The following SEMA3E variants were observed in gnomAD, a reference collection of about 807,000 sequenced individuals.
SEMA3E encodes semaphorin-3E.
SEMA3E carries 49 observed loss-of-function variants against 93.6 expected under a neutral mutation model. The ratio of observed to expected loss-of-function variants is 0.52; its 90% CI spans 0.42 to 0.66. The LOEUF is 0.66. Among genes scored for constraint, SEMA3E ranks in the 30% least tolerant of loss-of-function variants. The pLI is 0.00. For missense variants in SEMA3E, 906 were observed against 964.8 expected (o/e 0.94, Z 0.81); for synonymous variants, 363 against 330.7 (o/e 1.10, Z -1.06).
chr7:83,495,855 A>G (rs1018530787), intron 1 of SEMA3E, among the ~76,000 whole-genome samples: 10 of 152,118 alleles, frequency 6.6e-5, no homozygotes, highest in African/African-American at 1.9e-4. Context: ...TATATTACAC[A>G]AATTTTCTCC....
intron 4 of SEMA3E, among the ~76,000 whole-genome samples, chr7:83,431,607 T>C (rs1367885712): frequency 1.3e-5 from 2 of 152,118 alleles, no homozygotes; most frequent in Non-Finnish European, 2.9e-5. Context: ...TTTTGCCATG[T>C]TGGCCTGGCT....
intron 5 of SEMA3E, among the ~76,000 whole-genome samples, chr7:83,409,381 G>A (rs960848981): frequency 3.3e-5 from 5 of 152,062 alleles, no homozygotes; most frequent in African/African-American, 7.2e-5. Context: ...GGCCATACCC[G>A]GCTCAGTTGT....
At chr7:83,488,626 C>A (rs1324350810) in intron 2 of SEMA3E, among the ~76,000 whole-genome samples, 2 of 152,164 alleles carry the variant, frequency 1.3e-5, no homozygotes, top group Non-Finnish European at 2.9e-5. Flanking sequence ...ACACTGGACT[C>A]TGTATCCTTC....
chr7:83,594,648 T>C (rs1792829323), intron 1 of SEMA3E, among the ~76,000 whole-genome samples: 1 of 152,102 alleles, frequency 6.6e-6, no homozygotes, highest in African/African-American at 2.4e-5. Context: ...TGTATGATTT[T>C]TATTTTGAAA....
At chr7:83,391,419 G>C (rs1001082997) in intron 14 of SEMA3E, among the ~76,000 whole-genome samples, 3 of 152,048 alleles carry the variant, frequency 2.0e-5, no homozygotes, top group African/African-American at 7.2e-5. Flanking sequence ...CTTAATAGGT[G>C]AATACACTAA....
intron 1 of SEMA3E, among the ~76,000 whole-genome samples, chr7:83,574,596 A>T (rs1191056872): frequency 6.6e-6 from 1 of 152,132 alleles, no homozygotes; most frequent in African/African-American, 2.4e-5. Context: ...TTCTTTGCTC[A>T]ATGAGACAAA....
intron 1 of SEMA3E, among the ~76,000 whole-genome samples, chr7:83,520,945 T>A (rs746139740): frequency 6.6e-6 from 1 of 152,326 alleles, no homozygotes; most frequent in Admixed American, 6.5e-5. Flanking sequence ...TCTACACGTA[T>A]GGGGCATTAG....
intron 1 of SEMA3E, among the ~76,000 whole-genome samples, chr7:83,635,384 C>G (rs1330670341): frequency 2.0e-5 from 3 of 151,338 alleles, no homozygotes; most frequent in African/African-American, 7.3e-5. Context: ...TATAGATTAT[C>G]TTTAGTTTCT....
rs1260317523 is a variant in SEMA3E, at chr7:83,364,644, G to C, written c.*2942C>G. ...CTTGCCCAATGGGTGACGTTGTGCT[G>C]AAGGAGGAGGTGAATGGGCATTGTT... On this transcript the variant is annotated 3_prime_UTR_variant, in exon 17 of 17. Transcript: ENST00000643230. 6.6e-6 allele frequency: 1 copy of C among 152,220 alleles called. No individual in the cohort carries two copies. The highest frequency in any genetic ancestry group is 2.4e-5 in the African/African-American group (1 of 41,468). 9.4% of individuals were successfully genotyped at this position (152,220 alleles called of 1,614,324 possible).
chr7:83,640,841 C>T (rs1052660965), intron 1 of SEMA3E, among the ~76,000 whole-genome samples: 2 of 151,278 alleles, frequency 1.3e-5, no homozygotes, highest in Non-Finnish European at 2.9e-5. Context: ...CAAAGGGGTA[C>T]ACAGAATTAA....
intron 1 of SEMA3E, among the ~76,000 whole-genome samples, chr7:83,616,940 G>C (rs994110541): frequency 6.6e-6 from 1 of 152,134 alleles, no homozygotes; most frequent in African/African-American, 2.4e-5. Context: ...GGCCAGGCTG[G>C]TCTCGAACTC....
In SEMA3E at chr7:83,368,046, A is replaced by G. The variant is rs939171816; in HGVS notation, c.1876-8T>C. On this transcript the variant is annotated splice_polypyrimidine_tract_variant and splice_region_variant and intron_variant, in intron 16 of 16. Transcript: ENST00000643230. ...TCTGTCATCTGTCTTCACCTGCAAA[A>G]ACAAAAAAGTAAATGGCACTGAAGT... 2.5e-6 allele frequency: 4 copies of G among 1,612,948 alleles called. No individual in the cohort carries two copies. In the Admixed American group the frequency reaches 6.7e-5, roughly 27 times the overall value.
In SEMA3E at chr7:83,364,484, T is replaced by G. The variant is rs1382532179; in HGVS notation, c.*3102A>C. 6.6e-6 allele frequency: 1 copy of G among 152,234 alleles called. No individual in the cohort carries two copies. The highest frequency in any genetic ancestry group is 2.4e-5 in the African/African-American group (1 of 41,468). 9.4% of individuals were successfully genotyped at this position (152,234 alleles called of 1,614,324 possible). On this transcript the variant is annotated 3_prime_UTR_variant, in exon 17 of 17. Coordinates refer to ENST00000643230, the MANE Select transcript of SEMA3E (RefSeq NM_012431.3). ...CTCTTATTAGTGTTTATCCTTATTT[T>G]TAATCCCTGTTTCTCCAAGTTGATA...
At chr7:83,399,689 G>A (rs1465080309) in intron 11 of SEMA3E, among the ~76,000 whole-genome samples, 15 of 152,206 alleles carry the variant, frequency 9.9e-5, no homozygotes, top group South Asian at 4.2e-4. Flanking sequence ...TATGCATGAA[G>A]TATTGATCAT....
chr7:83,582,926 CAT>C (rs1473257141), intron 1 of SEMA3E, among the ~76,000 whole-genome samples: 6 of 151,980 alleles, frequency 3.9e-5, no homozygotes, highest in South Asian at 2.1e-4. Flanking sequence ...TGTATATAGA[CAT>C]ATGTTTATAC....
At chr7:83,372,976 T>C (rs1042979563) in intron 16 of SEMA3E, 1 of 152,142 alleles carries the variant, frequency 6.6e-6, no homozygotes, top group African/African-American at 2.4e-5. Flanking sequence ...TCCATCTGTG[T>C]TTTTTTCTAC....
At chr7:83,622,697 G>A (rs1793589108) in intron 1 of SEMA3E, among the ~76,000 whole-genome samples, 1 of 152,162 alleles carries the variant, frequency 6.6e-6, no homozygotes. Context: ...GGATGGAGCT[G>A]GAAGCCATTA....
intron 1 of SEMA3E, among the ~76,000 whole-genome samples, chr7:83,552,357 C>G (rs1791783526): frequency 6.6e-6 from 1 of 152,154 alleles, no homozygotes; most frequent in East Asian, 1.9e-4. Context: ...TACATCACCT[C>G]AAGACCACTG....
At chr7:83,482,564 CAAAAAA>C (rs11429680) in intron 2 of SEMA3E, among the ~76,000 whole-genome samples, 5,964 of 80,234 alleles carry the variant, frequency 0.074, 200 homozygotes, top group Non-Finnish European at 0.091. Flanking sequence ...CACTCCGTCT[CAAAAAA>C]AAAAAAAAAA....
Sources: gnomAD v4.1 joint callset for allele counts (sites outside exome capture counted in the v4.1 genomes callset) on GRCh38, gnomAD v4.1.1 for gene constraint, MANE v1.5 for transcripts, NCBI Gene and HGNC (gene_info 2026-07-23, HGNC 2026-07-21) for gene names.